The following DDX21 variants were observed in gnomAD, a reference collection of about 807,000 sequenced individuals.
The protein encoded by DDX21 is nucleolar RNA helicase 2.
Under a neutral mutation model 90.0 loss-of-function variants are expected in DDX21, and 18 were observed. The ratio of observed to expected loss-of-function variants is 0.20; its 90% CI spans 0.14 to 0.30. The LOEUF is 0.30. Ranked by LOEUF, DDX21 falls within the 10% of genes least tolerant of loss-of-function variation. The pLI is 1.00. For synonymous variants in DDX21, 294 were observed against 318.0 expected, an observed-to-expected ratio of 0.92 and a Z score of 0.80; for missense variants, 673 against 944.5, an observed-to-expected ratio of 0.71 and a Z score of 3.77.
At chr10:68,970,747 G>A (rs2132088047) in intron 8 of DDX21, among the ~76,000 whole-genome samples, 1 of 152,048 alleles carries the variant, frequency 6.6e-6, no homozygotes, top group South Asian at 2.1e-4. Flanking sequence ...CCGCTTCTTG[G>A]GTTCAAGCAG....
intron 6 of DDX21, among the ~76,000 whole-genome samples, chr10:68,968,354 G>A (rs1842970714): frequency 6.6e-6 from 1 of 152,090 alleles, no homozygotes; most frequent in Non-Finnish European, 1.5e-5. Context: ...GGGTCTCACT[G>A]TGTTGCCCAG....
At chr10:68,972,653 C>T (rs1564628612) in intron 9 of DDX21, among the ~76,000 whole-genome samples, 1 of 152,120 alleles carries the variant, frequency 6.6e-6, no homozygotes, top group Non-Finnish European at 1.5e-5. Flanking sequence ...AAAAGGAAGT[C>T]CCATGAGTGT....
At chr10:68,958,304 T>A (rs1842827851) in intron 1 of DDX21, among the ~76,000 whole-genome samples, 1 of 152,036 alleles carries the variant, frequency 6.6e-6, no homozygotes, top group Non-Finnish European at 1.5e-5. Flanking sequence ...AGAGTCTTAC[T>A]GTCACCCAAG....
At chr10:68,966,282 G>A (rs997076980) in intron 5 of DDX21, among the ~76,000 whole-genome samples, 1 of 151,182 alleles carries the variant, frequency 6.6e-6, no homozygotes, top group South Asian at 2.1e-4. Flanking sequence ...TCACCATATC[G>A]GCCAGGCTGA....
intron 1 of DDX21, among the ~76,000 whole-genome samples, chr10:68,958,650 G>T (rs1842832634): frequency 6.6e-6 from 1 of 152,056 alleles, no homozygotes; most frequent in African/African-American, 2.4e-5. Context: ...TGTTAGCCAG[G>T]ATGGTCTCCT....
Position 68,960,010 on chromosome 10 carries a change from A to G in DDX21, c.292A>G (p.Lys98Glu). Residue 98 changes from lysine to glutamate, a missense_variant, in exon 2 of 15, where the codon AAA (lysine) becomes GAA (glutamate). Lys to Glu is a moderately conservative substitution (Grantham distance 56). Coordinates refer to ENST00000354185, the MANE Select transcript of DDX21 (RefSeq NM_004728.4). The stretch of plus-strand genomic sequence containing the variant: ...TCCTAAAACCAAAAGTTTGAGAAAG[A>G]AAAAGGAGCCCATTGAAAAGAAAGT... ...ISPKTKSLRK[K>E]KEPIEKKVVS... 6 of 1,604,846 alleles carry G rather than the reference A, an allele frequency of 3.7e-6. No homozygotes were observed. Among genetic ancestry groups the G allele is most frequent in the East Asian group, 2.2e-5 (1 of 44,840 alleles).
chr10:68,974,267 C>T (rs147917619), intron 10 of DDX21, among the ~76,000 whole-genome samples: 7 of 152,260 alleles, frequency 4.6e-5, no homozygotes, highest in African/African-American at 1.7e-4. Flanking sequence ...TATTCCTCCC[C>T]CAAATATGTA....
chr10:68,962,234 G>GGC (rs1842881025), intron 3 of DDX21, 77 bp downstream of exon 3: 4 of 1,098,862 alleles, frequency 3.6e-6, no homozygotes, highest in Admixed American at 2.0e-5. Context: ...TTGTTAAGAT[G>GGC]AACCAGGATG....
chr10:68,976,633 G>A (rs966897777), intron 11 of DDX21, among the ~76,000 whole-genome samples: 3 of 152,028 alleles, frequency 2.0e-5, no homozygotes, highest in African/African-American at 7.2e-5. Context: ...TTTTAGCATG[G>A]CATGTTTTTT....
chr10:68,964,545 A>C (rs533634011), intron 4 of DDX21, among the ~76,000 whole-genome samples: 62 of 152,010 alleles, frequency 4.1e-4, no homozygotes, highest in African/African-American at 1.5e-3. Context: ...TATTTTTAGT[A>C]GAGATGGGGT....
chr10:68,982,762 TC>T lies in DDX21; in HGVS notation c.2305del (p.Gln769LysfsTer17), dbSNP rs762444670. The part of the protein sequence containing the change: ...RSGGGNKSNR[S>X]QNKGQKRSFS... ...AGGAGGTGGCAACAAAAGTAACAGA[TC>T]CCAAAACAAAGGCCAGAAGCGGAGT... On this transcript the variant is annotated frameshift_variant, in exon 15 of 15. Coordinates refer to ENST00000354185, the MANE Select transcript of DDX21 (RefSeq NM_004728.4). LOFTEE classifies it high-confidence loss of function. 1 of 1,614,070 alleles carries T rather than the reference TC, an allele frequency of 6.2e-7. No homozygotes were observed. Among genetic ancestry groups the T allele is most frequent in the East Asian group, 2.2e-5 (1 of 44,882 alleles).
intron 8 of DDX21, 30 bp downstream of exon 8, chr10:68,970,380 TGG>T: frequency 6.3e-7 from 1 of 1,598,896 alleles, no homozygotes; most frequent in Non-Finnish European, 8.5e-7. Flanking sequence ...CCAGCAAAAC[TGG>T]GGATATCAAC....
rs1589290784 is a variant in DDX21, at chr10:68,983,012, T to A, written c.*200T>A. 2 of 525,118 alleles carry A rather than the reference T, an allele frequency of 3.8e-6. No homozygotes were observed. The highest frequency in any genetic ancestry group is 3.2e-6 in the Non-Finnish European group (1 of 311,716). 32.5% of individuals were successfully genotyped at this position (525,118 alleles called of 1,614,324 possible). On this transcript the variant is annotated 3_prime_UTR_variant, in exon 15 of 15. Coordinates refer to ENST00000354185, the MANE Select transcript of DDX21 (RefSeq NM_004728.4). ...TCATTTATAACTTTATTGTTACTTC[T>A]TCATCAGTTTTTCCTTTTGAAAGGT... is the stretch of plus-strand genomic sequence containing the variant.
chr10:68,965,149 C>T (rs1375706812), intron 4 of DDX21, among the ~76,000 whole-genome samples: 1 of 152,068 alleles, frequency 6.6e-6, no homozygotes, highest in Non-Finnish European at 1.5e-5. Context: ...AGTTATTTAT[C>T]CTCTAATACC....
At chr10:68,975,548 A>G (rs78303315) in intron 11 of DDX21, among the ~76,000 whole-genome samples, 1 of 152,342 alleles carries the variant, frequency 6.6e-6, no homozygotes, top group Non-Finnish European at 1.5e-5. Flanking sequence ...CAATTACTGT[A>G]AATGCTTATT....
rs775695426 is a variant in DDX21 at position 68,982,727 on chromosome 10, G to A, written c.2267G>A (p.Gly756Glu). Reference protein sequence around the residue: ...GQREGSRGPRGQRSGGGNKSN... With the variant: ...GQREGSRGPREQRSGGGNKSN... ...CGGGAAGGCAGTAGAGGCCCGAGAG[G>A]ACAGCGATCAGGAGGTGGCAACAAA... The change falls in exon 15 of 15, where the codon GGA becomes GAA. Residue 756 changes from glycine to glutamate, a missense_variant. By Grantham distance (98) the Gly-to-Glu change is moderately conservative (BLOSUM62 -2). Transcript: ENST00000354185. 1 of 1,614,124 alleles carries A rather than the reference G, an allele frequency of 6.2e-7. No individual in the cohort carries two copies. The highest frequency in any genetic ancestry group is 8.5e-7 in the Non-Finnish European group (1 of 1,180,028).
chr10:68,963,355 G>C lies in DDX21; in HGVS notation c.672G>C (p.Lys224Asn), dbSNP rs1554840242. 2 of 1,614,132 alleles carry C rather than the reference G, an allele frequency of 1.2e-6. No homozygotes were observed. Among genetic ancestry groups the C allele is most frequent in the Non-Finnish European group, 1.7e-6 (2 of 1,180,008 alleles). The change falls in exon 4 of 15, where the codon AAG becomes AAC. Residue 224 changes from lysine to asparagine, a missense_variant. Lys to Asn is a moderately conservative substitution (Grantham distance 94). This residue lies in a region of DDX21 where 218 missense variants were observed against 347.3 expected (regional missense o/e 0.63). Coordinates refer to ENST00000354185, the MANE Select transcript of DDX21 (RefSeq NM_004728.4). ...CATTCCATCATGTTTACAGCGGGAAGGACTTAATTGCACAGGCACGGACAG... is the reference window on the plus strand; with the variant it reads ...CATTCCATCATGTTTACAGCGGGAACGACTTAATTGCACAGGCACGGACAG... ...AKTFHHVYSGKDLIAQARTGT... is the reference protein window; with the variant it reads ...AKTFHHVYSGNDLIAQARTGT...
intron 9 of DDX21, 103 bp from the exon 10 acceptor site, chr10:68,973,442 G>C (rs2132090299): frequency 1.4e-6 from 2 of 1,455,774 alleles, no homozygotes; most frequent in Non-Finnish European, 1.9e-6. Context: ...CATGTCCCCA[G>C]GTTTATAACC....
intron 14 of DDX21, among the ~76,000 whole-genome samples, chr10:68,981,929 A>G (rs977719441): frequency 2.0e-4 from 31 of 151,954 alleles, no homozygotes; most frequent in Non-Finnish European, 4.3e-4. Context: ...GCTGGAGTGC[A>G]GTGGTGCAAT....
Sources: gnomAD v4.1 joint callset for allele counts (sites outside exome capture counted in the v4.1 genomes callset) on GRCh38, gnomAD v4.1.1 for gene constraint, gnomAD v4.1.1 regional missense constraint, MANE v1.5 for transcripts, NCBI Gene and HGNC (gene_info 2026-07-23, HGNC 2026-07-21) for gene names.